C9: variants seen among roughly 807,000 people sequenced by gnomAD.
C9 encodes the protein complement C9.
C9 carries 63 observed loss-of-function variants against 65.4 expected under a neutral mutation model. The observed-to-expected ratio is 0.96, with a 90% CI of 0.79 to 1.19. The LOEUF is 1.19. C9 is among the 50% of genes most tolerant of loss of function. The probability of loss-of-function intolerance (pLI) is 0.00; values close to 1 mark genes in which losing one functional copy is unlikely to be tolerated. For missense variants in C9, 744 were observed against 670.1 expected (o/e 1.11, Z -1.22); for synonymous variants, 229 against 227.9 (o/e 1.00, Z -0.04).
At chr5:39,349,919 T>C (rs1218999960) in intron 1 of C9, among the ~76,000 whole-genome samples, 2 of 152,166 alleles carry the variant, frequency 1.3e-5, no homozygotes, top group African/African-American at 4.8e-5. Flanking sequence ...TCTCTCTCTC[T>C]CTCTTATTTT....
At chr5:39,345,077 G>A (rs13168364) in intron 1 of C9, among the ~76,000 whole-genome samples, 43,195 of 151,358 alleles carry the variant, frequency 0.29, 7,014 homozygotes, top group Non-Finnish European at 0.36. Context: ...ATGGCAAATT[G>A]TAAAGATCAT....
intron 1 of C9, among the ~76,000 whole-genome samples, chr5:39,359,734 C>T: frequency 6.6e-6 from 1 of 152,196 alleles, no homozygotes; most frequent in Non-Finnish European, 1.5e-5. Flanking sequence ...CATCACAGGC[C>T]TCACTTGGCT....
chr5:39,335,602 A>G (rs1473365378), intron 4 of C9, among the ~76,000 whole-genome samples: 1 of 152,218 alleles, frequency 6.6e-6, no homozygotes, highest in African/African-American at 2.4e-5. Context: ...AGGAGGATGT[A>G]CATAGGTATG....
At chr5:39,299,077 A>T (rs1753237521) in intron 9 of C9, among the ~76,000 whole-genome samples, 4 of 151,972 alleles carry the variant, frequency 2.6e-5, no homozygotes, top group Non-Finnish European at 5.9e-5. Context: ...ACCTACAGCT[A>T]ACATCATACT....
intron 1 of C9, among the ~76,000 whole-genome samples, chr5:39,352,167 C>G (rs1337799375): frequency 6.6e-6 from 1 of 152,168 alleles, no homozygotes; most frequent in Non-Finnish European, 1.5e-5. Flanking sequence ...ACAACCAGCT[C>G]TCACGAGAAC....
At chr5:39,360,373 C>T (rs1401324258) in intron 1 of C9, among the ~76,000 whole-genome samples, 1 of 152,012 alleles carries the variant, frequency 6.6e-6, no homozygotes, top group Non-Finnish European at 1.5e-5. Flanking sequence ...AATTGAAACC[C>T]GGACAACTTC....
At chr5:39,291,080 C>T (rs1434107208) in intron 9 of C9, among the ~76,000 whole-genome samples, 1 of 151,760 alleles carries the variant, frequency 6.6e-6, no homozygotes, top group Non-Finnish European at 1.5e-5. Context: ...GGAAATAACA[C>T]AACATGAATG....
chr5:39,317,715 C>T (rs1166471939), intron 5 of C9, among the ~76,000 whole-genome samples: 1 of 152,072 alleles, frequency 6.6e-6, no homozygotes, highest in Non-Finnish European at 1.5e-5. Context: ...TCTGTTTTTG[C>T]ACCAGTACCA....
intron 4 of C9, among the ~76,000 whole-genome samples, chr5:39,339,624 A>G (rs949562906): frequency 7.4e-5 from 11 of 148,802 alleles, no homozygotes; most frequent in African/African-American, 9.9e-5. Flanking sequence ...CACAGCTACA[A>G]TGGTCTCCAG....
chr5:39,338,800 A>G (rs1330651469), intron 4 of C9, among the ~76,000 whole-genome samples: 1 of 152,182 alleles, frequency 6.6e-6, no homozygotes, highest in Non-Finnish European at 1.5e-5. Flanking sequence ...GGTATTTAAG[A>G]ATTCCTAGCT....
At chr5:39,309,523 G>A (rs929964782) in intron 7 of C9, among the ~76,000 whole-genome samples, 12 of 152,166 alleles carry the variant, frequency 7.9e-5, no homozygotes, top group Admixed American at 5.9e-4. Flanking sequence ...GATAAAAATC[G>A]AAGACAATAC....
intron 6 of C9, among the ~76,000 whole-genome samples, chr5:39,314,176 G>A (rs1158069453): frequency 3.9e-5 from 6 of 152,046 alleles, no homozygotes; most frequent in East Asian, 1.9e-4. Context: ...TAGGCTGGGC[G>A]CGGTGGCTCA....
chr5:39,336,742 A>G (rs998827478), intron 4 of C9, among the ~76,000 whole-genome samples: 1 of 152,190 alleles, frequency 6.6e-6, no homozygotes, highest in African/African-American at 2.4e-5. Flanking sequence ...TCACATAAAT[A>G]AGTAGATAAG....
intron 9 of C9, 124 bp downstream of exon 9, chr5:39,306,493 G>T: frequency 1.2e-6 from 1 of 802,428 alleles, no homozygotes; most frequent in South Asian, 1.5e-5. Flanking sequence ...TTTTGGGGAA[G>T]AAATGGGAGT....
intron 5 of C9, among the ~76,000 whole-genome samples, chr5:39,317,540 C>T (rs1001221738): frequency 6.6e-6 from 1 of 152,122 alleles, no homozygotes; most frequent in African/African-American, 2.4e-5. Flanking sequence ...CGAAGGGGTC[C>T]AGTTTCAATT....
At chr5:39,332,038 G>T (rs1753850774) in intron 4 of C9, among the ~76,000 whole-genome samples, 1 of 152,254 alleles carries the variant, frequency 6.6e-6, no homozygotes, top group African/African-American at 2.4e-5. Context: ...GGCAACTAAG[G>T]CACTGTTTAG....
At chr5:39,321,489 A>T (rs1323712153) in intron 5 of C9, among the ~76,000 whole-genome samples, 1 of 151,946 alleles carries the variant, frequency 6.6e-6, no homozygotes, top group Non-Finnish European at 1.5e-5. Context: ...ACAAAGGAAG[A>T]TAGCAAGAGA....
At chr5:39,329,856 A>G (rs1214741880) in intron 5 of C9, among the ~76,000 whole-genome samples, 1 of 152,188 alleles carries the variant, frequency 6.6e-6, no homozygotes, top group African/African-American at 2.4e-5. Flanking sequence ...GAAAAAAATC[A>G]TCTCTAAGGA....
intron 9 of C9, among the ~76,000 whole-genome samples, chr5:39,297,062 G>A (rs1179896951): frequency 2.0e-5 from 3 of 151,456 alleles, no homozygotes; most frequent in African/African-American, 4.8e-5. Flanking sequence ...CTACATAGGA[G>A]GAATAAGTTC....
Sources: allele counts gnomAD v4.1 joint callset (sites outside exome capture counted in the v4.1 genomes callset), GRCh38; gene constraint gnomAD v4.1.1; transcripts MANE v1.5; gene names NCBI Gene and HGNC (gene_info 2026-07-23, HGNC 2026-07-21).